The following STK3 variants were observed in gnomAD, a reference collection of about 807,000 sequenced individuals.
STK3 encodes the protein serine/threonine kinase 3.
Under a neutral mutation model 58.0 loss-of-function variants are expected in STK3, and 41 were observed. That is an observed-to-expected ratio of 0.71 (90% CI 0.55 to 0.92). The LOEUF (loss-of-function observed/expected upper bound fraction) is 0.92. Among genes scored for constraint, STK3 ranks in the 40% least tolerant of loss-of-function variants. The pLI, the probability that STK3 is intolerant of heterozygous loss-of-function variation, is 0.00. For synonymous variants in STK3, 170 were observed against 191.0 expected, an observed-to-expected ratio of 0.89 and a Z score of 0.91; for missense variants, 479 against 602.7, an observed-to-expected ratio of 0.79 and a Z score of 2.15.
At chr8:98,575,833 T>C (rs1297495248) in intron 8 of STK3, among the ~76,000 whole-genome samples, 1 of 152,152 alleles carries the variant, frequency 6.6e-6, no homozygotes, top group Non-Finnish European at 1.5e-5. Context: ...TTTCTCTCAT[T>C]CTACAGGCTG....
intron 1 of STK3, among the ~76,000 whole-genome samples, chr8:98,778,502 C>T (rs1349567429): frequency 6.6e-6 from 1 of 152,086 alleles, no homozygotes. Context: ...ACTAGAAATA[C>T]CGTTTGACCC....
downstream of STK3, among the ~76,000 whole-genome samples, chr8:98,369,142 T>C (rs1297435352): frequency 6.6e-6 from 1 of 152,212 alleles, no homozygotes; most frequent in Non-Finnish European, 1.5e-5. Flanking sequence ...GCCCACTAAG[T>C]ATCAATTACT....
At position 98,548,043 on chromosome 8, in the gene STK3, G is replaced by A. The variant is rs760363706; in HGVS notation, c.1067C>T (p.Thr356Met). The change falls in exon 9 of 11, where the codon ACG (threonine) becomes ATG (methionine). Residue 356 changes from threonine (T) to methionine (M), a missense_variant. Thr to Met is a moderately conservative substitution (Grantham distance 81, BLOSUM62 -1). Transcript: ENST00000419617. Reference sequence around the variant, plus strand: ...GGTCCCCAAGTCGGATTCCAACATCGTGCTATTATGTTCAATCATGGTCTG... The same window carrying A: ...GGTCCCCAAGTCGGATTCCAACATCATGCTATTATGTTCAATCATGGTCTG... ...GAQTMIEHNS[T>M]MLESDLGTMV... is the part of the protein sequence containing the mutation. 1.1e-4 allele frequency: 178 copies of A among 1,609,962 alleles called. 1 individual carries two copies. The highest frequency in any genetic ancestry group is 1.7e-4 in the Middle Eastern group (1 of 6,060).
At position 98,692,498 on chromosome 8, in the gene STK3, T is replaced by A. The variant is rs952474353; in HGVS notation, c.684+13969A>T. Among the ~76,000 whole-genome samples the A allele has an allele frequency of 2.0e-5, 3 of 152,138 alleles. No homozygotes were observed. In the East Asian group the frequency reaches 5.8e-4, roughly 29 times the overall value. The stretch of plus-strand genomic sequence containing the variant: ...CAAATATTGTTTGATTCTACTTATA[T>A]GAAATATTTAGAACAGTCAAACTCA... On this transcript the variant is annotated intron_variant, in intron 6 of 10. Coordinates refer to ENST00000419617, the MANE Select transcript of STK3 (RefSeq NM_006281.4).
chr8:98,429,472 A>G (rs1818297587), intron 3 of STK3: 1 of 1,259,094 alleles, frequency 7.9e-7, no homozygotes, highest in East Asian at 2.3e-5. Context: ...TGCCTCTGGC[A>G]CAGCCCAGGC....
At chr8:98,715,111 C>A (rs1484143283) in intron 4 of STK3, among the ~76,000 whole-genome samples, 1 of 151,672 alleles carries the variant, frequency 6.6e-6, no homozygotes, top group East Asian at 1.9e-4. Flanking sequence ...CCCTTCCTTA[C>A]ACCTTATACA....
At chr8:98,713,576 G>C (rs1010590993) in intron 4 of STK3, among the ~76,000 whole-genome samples, 2 of 152,112 alleles carry the variant, frequency 1.3e-5, no homozygotes, top group Non-Finnish European at 2.9e-5. Flanking sequence ...GACTAAACCA[G>C]GAAGAAGTTG....
chr8:98,488,747 C>T (rs983181160), intron 10 of STK3, among the ~76,000 whole-genome samples: 2 of 152,158 alleles, frequency 1.3e-5, no homozygotes, highest in African/African-American at 4.8e-5. Context: ...GATGAAAATG[C>T]AGAGAAGTGG....
chr8:98,551,889 G>T (rs1054868489), intron 8 of STK3, among the ~76,000 whole-genome samples: 21 of 152,006 alleles, frequency 1.4e-4, no homozygotes, highest in African/African-American at 4.3e-4. Flanking sequence ...TAAAATCAAG[G>T]ACCTTTACAG....
At chr8:98,591,960 A>C (rs370073770) in intron 7 of STK3, among the ~76,000 whole-genome samples, 254 of 152,316 alleles carry the variant, frequency 1.7e-3, no homozygotes, top group African/African-American at 5.8e-3. Flanking sequence ...ATACATAATC[A>C]GTCACTAAAT....
In STK3 at chr8:98,558,741, G is replaced by A. The variant is rs1811787433; in HGVS notation, c.949-10580C>T. ...TTCCATTATGATAGTATTTTTAAGA[G>A]TTAGCAGAAATTTTGTTGTTGTTCT... is the stretch of plus-strand genomic sequence containing the variant. On this transcript the variant is annotated intron_variant, in intron 8 of 10. Coordinates refer to ENST00000419617, the MANE Select transcript of STK3 (RefSeq NM_006281.4). Among the ~76,000 whole-genome samples, 3 of 151,856 alleles carry A rather than the reference G, an allele frequency of 2.0e-5. No homozygotes were observed. In the South Asian group the frequency reaches 6.3e-4, roughly 32 times the overall value.
chr8:98,354,567 A>C, the STK3 span, among the ~76,000 whole-genome samples: 2 of 152,264 alleles, frequency 1.3e-5, no homozygotes, highest in Non-Finnish European at 2.9e-5. Context: ...TGTGTGAAAC[A>C]GAAAGAATCC....
At chr8:98,491,855 C>G (rs1254042614) in intron 10 of STK3, among the ~76,000 whole-genome samples, 2 of 152,144 alleles carry the variant, frequency 1.3e-5, no homozygotes, top group Non-Finnish European at 2.9e-5. Context: ...TTTTATGTTA[C>G]TTATGCTTAG....
chr8:98,482,869 A>C (rs1403439547), intron 10 of STK3, among the ~76,000 whole-genome samples: 1 of 152,206 alleles, frequency 6.6e-6, no homozygotes, highest in African/African-American at 2.4e-5. Flanking sequence ...AAGTGTTGAC[A>C]TTAAATCTTT....
intron 4 of STK3, among the ~76,000 whole-genome samples, chr8:98,729,236 G>A (rs973785267): frequency 3.3e-5 from 5 of 151,966 alleles, no homozygotes; most frequent in African/African-American, 7.2e-5. Flanking sequence ...TCAGTCTCCC[G>A]GCAGCTAGGA....
At chr8:98,930,734 G>T (rs773456522) in intron 1 of STK3, among the ~76,000 whole-genome samples, 2 of 152,186 alleles carry the variant, frequency 1.3e-5, no homozygotes, top group Non-Finnish European at 2.9e-5. Context: ...TTGTCTTCTA[G>T]AATTTGAAGC....
chr8:98,835,301 C>G (rs1021100519), intron 3 of STK3, among the ~76,000 whole-genome samples: 1 of 152,146 alleles, frequency 6.6e-6, no homozygotes, highest in Non-Finnish European at 1.5e-5. Context: ...GAGCTAGGTC[C>G]TTTAAGTAAT....
At chr8:98,826,034 C>T (rs1835281613), upstream of STK3, among the ~76,000 whole-genome samples, 2 of 151,746 alleles carry the variant, frequency 1.3e-5, no homozygotes, top group Non-Finnish European at 2.9e-5. Flanking sequence ...GGCCCCAGAG[C>T]CCCGTGACCG....
intron 8 of STK3, among the ~76,000 whole-genome samples, chr8:98,558,207 T>G (rs1451038218): frequency 6.6e-6 from 1 of 152,104 alleles, no homozygotes; most frequent in African/African-American, 2.4e-5. Flanking sequence ...AAGCAGTTTA[T>G]AAAACATCCA....
Sources: allele counts gnomAD v4.1 joint callset (sites outside exome capture counted in the v4.1 genomes callset), GRCh38; gene constraint gnomAD v4.1.1; transcripts MANE v1.5; gene names NCBI Gene and HGNC (gene_info 2026-07-23, HGNC 2026-07-21).